Variants in TIGD4 observed in about 807,000 individuals in gnomAD.
The protein encoded by TIGD4 is tigger transposable element derived 4, also known as tigger transposable element-derived protein 4.
A neutral mutation model predicts 24.9 loss-of-function variants in TIGD4; 20 were observed. The ratio of observed to expected loss-of-function variants is 0.80; its 90% CI spans 0.56 to 1.17. The LOEUF (loss-of-function observed/expected upper bound fraction) is 1.17. TIGD4 is among the 50% of genes most tolerant of loss of function. The probability of loss-of-function intolerance (pLI) is 0.00; values close to 1 mark genes in which losing one functional copy is unlikely to be tolerated. For synonymous variants in TIGD4, 193 were observed against 211.0 expected (o/e 0.91, Z 0.74); for missense variants, 566 against 591.0 (o/e 0.96, Z 0.44).
At chr4:152,773,982 C>A (rs1056919656) in intron 1 of TIGD4, among the ~76,000 whole-genome samples, 2 of 151,106 alleles carry the variant, frequency 1.3e-5, no homozygotes, top group Non-Finnish European at 3.0e-5. Context: ...CAACTTCGTC[C>A]TTCCTTCTTT....
rs574102456 is a variant in TIGD4 at position 152,770,552 on chromosome 4, A to G, written c.453T>C (p.Ala151=). 8.1e-6 allele frequency: 13 copies of G among 1,612,788 alleles called. No homozygotes were observed. In the South Asian group the frequency reaches 1.3e-4, roughly 16 times the overall value. ...TCGAAGGGTCTACTGGTACACCTGT[A>G]GCTTCTACAGGTTGAGCTCTGAATA... ...GLVFRAQPVE[A]TGVPVDPSTV... Residue 151 remains alanine, a synonymous_variant, in exon 2 of 2, where the codon GCT becomes GCC. Transcript: ENST00000304337.
rs758782599 is a variant in TIGD4, at chr4:152,769,567, C to T, written c.1438G>A (p.Asp480Asn). 6 of 1,613,080 alleles carry T rather than the reference C, an allele frequency of 3.7e-6. No homozygotes were observed. The highest frequency in any genetic ancestry group is 5.1e-6 in the Non-Finnish European group (6 of 1,179,570). ...CTTCTGAGAAATTTTTTCAGAGTAT[C>T]TAAAGCAGTTATTGCCTCAGATTTT... is the stretch of plus-strand genomic sequence containing the variant. ...PSKSEAITAL[D>N]TLKKFLRSQD... The change falls in exon 2 of 2, where the codon GAT becomes AAT. Residue 480 changes from aspartate (D) to asparagine (N), a missense_variant. Asp to Asn is a conservative substitution (Grantham distance 23). Transcript: ENST00000304337.
chr4:152,770,596 T>C lies in TIGD4; in HGVS notation c.409A>G (p.Lys137Glu). The stretch of plus-strand genomic sequence containing the variant: ...CTGAATACTAAACCATACCTGGATT[T>C]AAAACGATCCAGCCAACCATTACTG... ...KCSNGWLDRF[K>E]SRYGLVFRAQ... The change falls in exon 2 of 2, where the codon AAA becomes GAA. Residue 137 changes from lysine (K) to glutamate (E), a missense_variant. Physicochemically the swap from Lys to Glu is moderately conservative, Grantham distance 56 (BLOSUM62 1). Coordinates refer to ENST00000304337, the MANE Select transcript of TIGD4 (RefSeq NM_145720.4). 6.2e-7 allele frequency: 1 copy of C among 1,607,986 alleles called. No individual in the cohort carries two copies. Among genetic ancestry groups the C allele is most frequent in the Non-Finnish European group, 8.5e-7 (1 of 1,177,318 alleles).
Position 152,769,645 on chromosome 4 carries a change from A to C in TIGD4, c.1360T>G (p.Ser454Ala), listed in dbSNP as rs1360559655. The change falls in exon 2 of 2, where the codon TCT (serine) becomes GCT (alanine). Residue 454 changes from serine to alanine, a missense_variant. Transcript: ENST00000304337. The stretch of plus-strand genomic sequence containing the variant: ...GATCCATCATCATCCTCTTCATCAG[A>C]AGTGTAAAATCCAGTTTCATCCGAT... Reference protein sequence around the residue: ...SKSDETGFYTSDEEDDDGSPG... With the variant: ...SKSDETGFYTADEEDDDGSPG... 7 of 1,613,280 alleles carry C rather than the reference A, an allele frequency of 4.3e-6. No individual in the cohort carries two copies. In the East Asian group the frequency reaches 1.6e-4, roughly 36 times the overall value.
chr4:152,778,002 A>G (rs1459134901), intron 1 of TIGD4, among the ~76,000 whole-genome samples: 1 of 152,042 alleles, frequency 6.6e-6, no homozygotes, highest in Non-Finnish European at 1.5e-5. Flanking sequence ...AATCGTACAC[A>G]GTACCAGAAT....
At chr4:152,775,443 G>A (rs1730244600) in intron 1 of TIGD4, among the ~76,000 whole-genome samples, 1 of 152,176 alleles carries the variant, frequency 6.6e-6, no homozygotes. Flanking sequence ...CAGAAGCTGG[G>A]CTCTTATCTG....
intron 1 of TIGD4, among the ~76,000 whole-genome samples, chr4:152,776,719 T>A (rs1429719287): frequency 6.6e-6 from 1 of 152,184 alleles, no homozygotes; most frequent in Non-Finnish European, 1.5e-5. Context: ...ATAACTCAAC[T>A]AGAATTGGCC....
At position 152,769,686 on chromosome 4, in the gene TIGD4, C is replaced by A; in HGVS notation, c.1319G>T (p.Cys440Phe). The change falls in exon 2 of 2, where the codon TGC becomes TTC. Residue 440 changes from cysteine to phenylalanine, a missense_variant. Physicochemically the swap from Cys to Phe is radical, Grantham distance 205 (BLOSUM62 -2). Coordinates refer to ENST00000304337, the MANE Select transcript of TIGD4 (RefSeq NM_145720.4). The part of the protein sequence containing the change: ...CEAAPNGDSI[C>F]TKESKSDETG... ...TTCATCCGATTTACTTTCTTTGGTGCATATGGAATCACCATTTGGTGCTGC... is the reference window on the plus strand; with the variant it reads ...TTCATCCGATTTACTTTCTTTGGTGAATATGGAATCACCATTTGGTGCTGC... The A allele has an allele frequency of 6.2e-7, 1 of 1,613,654 alleles. No individual in the cohort carries two copies. The highest frequency in any genetic ancestry group is 8.5e-7 in the Non-Finnish European group (1 of 1,179,790).
At position 152,769,622 on chromosome 4, in the gene TIGD4, T is replaced by C; in HGVS notation, c.1383A>G (p.Gly461=). The change falls in exon 2 of 2, where the codon GGA becomes GGG. Residue 461 remains glycine (G), a synonymous_variant. Coordinates refer to ENST00000304337, the MANE Select transcript of TIGD4 (RefSeq NM_145720.4). ...FYTSDEEDDD[G]SPGTELPLPS... ...GTAAAGGGAGTTCAGTTCCTGGAGA[T>C]CCATCATCATCCTCTTCATCAGAAG... is the stretch of plus-strand genomic sequence containing the variant. 1 of 1,613,640 alleles carries C rather than the reference T, an allele frequency of 6.2e-7. No individual in the cohort carries two copies.
At chr4:152,776,155 C>T (rs1730256731) in intron 1 of TIGD4, among the ~76,000 whole-genome samples, 1 of 152,074 alleles carries the variant, frequency 6.6e-6, no homozygotes, top group African/African-American at 2.4e-5. Flanking sequence ...AAAATTACAT[C>T]AGAGCAGAGG....
At chr4:152,773,090 A>G (rs1029239876) in intron 1 of TIGD4, among the ~76,000 whole-genome samples, 2 of 152,200 alleles carry the variant, frequency 1.3e-5, no homozygotes, top group African/African-American at 4.8e-5. Flanking sequence ...TACTTTCCCA[A>G]GTCAGCACCT....
In TIGD4 at chr4:152,771,528, C is replaced by A. The variant is rs555854571; in HGVS notation, c.-524G>T. 6.0e-6 allele frequency: 1 copy of A among 165,442 alleles called. No homozygotes were observed. Among genetic ancestry groups the A allele is most frequent in the East Asian group, 1.9e-4 (1 of 5,194 alleles). The allele number at this position is 165,442 out of a possible 1,614,324, so 10.2% of individuals were successfully genotyped here. A position where few individuals can be genotyped will look rare whatever the true frequency, so the allele number is the denominator to read the frequency against. ...AATGGTAGAATCCTTCTAGAACTTGCCAGTATATCTTCTTCTGTTGTTTGA... is the reference window on the plus strand; with the variant it reads ...AATGGTAGAATCCTTCTAGAACTTGACAGTATATCTTCTTCTGTTGTTTGA... On this transcript the variant is annotated 5_prime_UTR_variant, in exon 2 of 2. Transcript: ENST00000304337.
chr4:152,773,900 C>T (rs575194515), intron 1 of TIGD4, among the ~76,000 whole-genome samples: 1 of 152,224 alleles, frequency 6.6e-6, no homozygotes, highest in East Asian at 1.9e-4. Context: ...AAGATACCAA[C>T]CTTCAGAAAT....
At chr4:152,778,012 T>G (rs978878822) in intron 1 of TIGD4, among the ~76,000 whole-genome samples, 1 of 151,962 alleles carries the variant, frequency 6.6e-6, no homozygotes, top group African/African-American at 2.4e-5. Context: ...AGTACCAGAA[T>G]TCACTGAAGA....
At chr4:152,775,450 T>C (rs1578775810) in intron 1 of TIGD4, among the ~76,000 whole-genome samples, 4 of 152,290 alleles carry the variant, frequency 2.6e-5, no homozygotes, top group Admixed American at 2.6e-4. Context: ...TGGGCTCTTA[T>C]CTGGAGGCTC....
At chr4:152,776,471 G>C (rs1730263663) in intron 1 of TIGD4, among the ~76,000 whole-genome samples, 1 of 151,538 alleles carries the variant, frequency 6.6e-6, no homozygotes, top group African/African-American at 2.4e-5. Flanking sequence ...AAAACATAAA[G>C]CTGGCATTCT....
Position 152,770,436 on chromosome 4 carries a change from C to T in TIGD4, c.569G>A (p.Arg190Gln), listed in dbSNP as rs138989925. Reference sequence around the variant, plus strand: ...TGCAAATGTATTGGTAGGTAACATTCGATAAAGCAGCCCAGTCTCTTTTAT... The same window carrying T: ...TGCAAATGTATTGGTAGGTAACATTTGATAAAGCAGCCCAGTCTCTTTTAT... ...FNIKETGLLY[R>Q]MLPTNTFAFK... Residue 190 changes from arginine (R) to glutamine (Q), a missense_variant, in exon 2 of 2, where the codon CGA becomes CAA. Physicochemically the swap from Arg to Gln is conservative, Grantham distance 43. Transcript: ENST00000304337. 26 of 1,613,374 alleles carry T rather than the reference C, an allele frequency of 1.6e-5. No individual in the cohort carries two copies. The highest frequency in any genetic ancestry group is 4.0e-5 in the African/African-American group (3 of 74,874).
At chr4:152,777,970 C>T (rs1009421294) in intron 1 of TIGD4, among the ~76,000 whole-genome samples, 1 of 151,934 alleles carries the variant, frequency 6.6e-6, no homozygotes, top group Non-Finnish European at 1.5e-5. Context: ...CCTTGCACAG[C>T]GTAATACTGT....
At chr4:152,774,730 CT>C (rs1180636580) in intron 1 of TIGD4, among the ~76,000 whole-genome samples, 1 of 152,066 alleles carries the variant, frequency 6.6e-6, no homozygotes, top group Non-Finnish European at 1.5e-5. Context: ...ACATAATCTT[CT>C]TTTAAAAAAA....
Sources: gnomAD v4.1 joint callset for allele counts (sites outside exome capture counted in the v4.1 genomes callset) on GRCh38, gnomAD v4.1.1 for gene constraint, MANE v1.5 for transcripts, NCBI Gene and HGNC (gene_info 2026-07-23, HGNC 2026-07-21) for gene names.